Variants in RHOJ observed in about 807,000 individuals in gnomAD.
The protein encoded by RHOJ is rho-related GTP-binding protein RhoJ.
In RHOJ, 11 loss-of-function variants were observed where a neutral mutation model predicts 23.4. The ratio of observed to expected loss-of-function variants is 0.47; its 90% CI spans 0.30 to 0.78. RHOJ has a LOEUF of 0.78. RHOJ is among the 30% of genes least tolerant of loss of function. RHOJ has a pLI of 0.08. For synonymous variants in RHOJ, 102 were observed against 102.7 expected (o/e 0.99, Z 0.04); for missense variants, 254 against 273.4 (o/e 0.93, Z 0.50).
chr14:63,268,444 G>A lies in RHOJ; in HGVS notation c.179-666G>A, dbSNP rs543731101. On this transcript the variant is annotated intron_variant, in intron 1 of 4. Coordinates refer to ENST00000316754, the MANE Select transcript of RHOJ (RefSeq NM_020663.5). ...ACTCACTACTTTTCACCCTCTAAGC[G>A]CCCTTTATGTATGTGAGACTGAACC... is the stretch of plus-strand genomic sequence containing the variant. Among the ~76,000 whole-genome samples the A allele has an allele frequency of 3.3e-5, 5 of 152,146 alleles. No individual in the cohort carries two copies. In the South Asian group the frequency reaches 6.2e-4, roughly 19 times the overall value.
chr14:63,286,080 T>C (rs1435381013), intron 4 of RHOJ, among the ~76,000 whole-genome samples: 3 of 152,178 alleles, frequency 2.0e-5, no homozygotes, highest in South Asian at 2.1e-4. Flanking sequence ...AGCAGCAAAA[T>C]TGCTGCAAAC....
intron 1 of RHOJ, among the ~76,000 whole-genome samples, chr14:63,260,151 CAT>C (rs1895248110): frequency 6.6e-6 from 1 of 152,176 alleles, no homozygotes; most frequent in African/African-American, 2.4e-5. Context: ...CTTTATAGCT[CAT>C]ATATTTCTTT....
At chr14:63,219,135 A>G (rs570557708) in intron 1 of RHOJ, among the ~76,000 whole-genome samples, 8 of 152,236 alleles carry the variant, frequency 5.3e-5, no homozygotes, top group Admixed American at 1.3e-4. Flanking sequence ...TGAGGAAGAG[A>G]ATTATATTTT....
chr14:63,252,433 C>T (rs1376280545), intron 1 of RHOJ, among the ~76,000 whole-genome samples: 1 of 152,236 alleles, frequency 6.6e-6, no homozygotes, highest in African/African-American at 2.4e-5. Context: ...ATTCAGTATC[C>T]GGTATCATCC....
rs780382502 is a variant in RHOJ, at chr14:63,293,342, G to C, written c.*2318G>C. Reference sequence around the variant, plus strand: ...TGCACTCAACAGGCAAATAGCTCCCGAGGTCACCACTTCCCTAATGGGCCA... The same window carrying C: ...TGCACTCAACAGGCAAATAGCTCCCCAGGTCACCACTTCCCTAATGGGCCA... On this transcript the variant is annotated 3_prime_UTR_variant, in exon 5 of 5. Coordinates refer to ENST00000316754, the MANE Select transcript of RHOJ (RefSeq NM_020663.5). 1 of 152,180 alleles carries C rather than the reference G, an allele frequency of 6.6e-6. No homozygotes were observed. Among genetic ancestry groups the C allele is most frequent in the Non-Finnish European group, 1.5e-5 (1 of 68,050 alleles). The allele number at this position is 152,180 out of a possible 1,614,324, so 9.4% of individuals were successfully genotyped here. A position where few individuals can be genotyped will look rare whatever the true frequency, so the allele number is the denominator to read the frequency against.
At chr14:63,272,795 G>A (rs1895494855) in intron 2 of RHOJ, among the ~76,000 whole-genome samples, 1 of 152,182 alleles carries the variant, frequency 6.6e-6, no homozygotes, top group African/African-American at 2.4e-5. Flanking sequence ...GGAGGCCAAG[G>A]CAGACAGATC....
At chr14:63,275,880 G>T (rs1881703525) in intron 2 of RHOJ, among the ~76,000 whole-genome samples, 1 of 151,586 alleles carries the variant, frequency 6.6e-6, no homozygotes, top group South Asian at 2.1e-4. Flanking sequence ...TAAGTTACCA[G>T]CTGGCACAAA....
At chr14:63,283,059 G>A in intron 3 of RHOJ, 62 bp from the exon 4 acceptor site, 1 of 1,359,852 alleles carries the variant, frequency 7.4e-7, no homozygotes, top group Non-Finnish European at 1.0e-6. Context: ...TGATGTCACA[G>A]TTTAAAATAT....
chr14:63,222,002 T>A (rs528840038), intron 1 of RHOJ, among the ~76,000 whole-genome samples: 1 of 117,726 alleles, frequency 8.5e-6, no homozygotes, highest in African/African-American at 3.3e-5. Flanking sequence ...GGCCCCGGTG[T>A]GTGATGTTCG....
intron 2 of RHOJ, among the ~76,000 whole-genome samples, chr14:63,278,189 G>T (rs1170723899): frequency 6.6e-6 from 1 of 152,000 alleles, no homozygotes. Flanking sequence ...CAGCATCATT[G>T]CCCTCTTGCT....
intron 1 of RHOJ, among the ~76,000 whole-genome samples, chr14:63,238,103 G>GA (rs1175086205): frequency 6.6e-6 from 1 of 151,954 alleles, no homozygotes; most frequent in East Asian, 1.9e-4. Flanking sequence ...TTCACATACG[G>GA]AAAAAAATCT....
At chr14:63,267,067 T>C (rs905781791) in intron 1 of RHOJ, among the ~76,000 whole-genome samples, 8 of 152,116 alleles carry the variant, frequency 5.3e-5, no homozygotes, top group African/African-American at 1.9e-4. Context: ...GCAGGAAGAA[T>C]TGAATCTGGT....
At chr14:63,287,950 G>A (rs1025586626) in intron 4 of RHOJ, among the ~76,000 whole-genome samples, 5 of 152,134 alleles carry the variant, frequency 3.3e-5, no homozygotes, top group African/African-American at 1.2e-4. Flanking sequence ...TGAGGACACA[G>A]ATCATTTTTT....
At chr14:63,237,830 T>C (rs1894816300) in intron 1 of RHOJ, among the ~76,000 whole-genome samples, 1 of 151,440 alleles carries the variant, frequency 6.6e-6, no homozygotes, top group Admixed American at 6.6e-5. Flanking sequence ...TCACACCTGG[T>C]CTTGTTATCA....
intron 1 of RHOJ, among the ~76,000 whole-genome samples, chr14:63,221,386 C>A (rs1352914103): frequency 6.6e-6 from 1 of 152,174 alleles, no homozygotes; most frequent in East Asian, 1.9e-4. Flanking sequence ...TTCCTTCTAA[C>A]AAGGCAAGCC....
intron 2 of RHOJ, 80 bp downstream of exon 2, chr14:63,269,248 T>C (rs1020337496): frequency 1.8e-5 from 18 of 995,552 alleles, no homozygotes; most frequent in Middle Eastern, 2.1e-4. Flanking sequence ...CAGATGGGAC[T>C]CATAGCACAG....
At chr14:63,290,068 C>T (rs531191570) in intron 4 of RHOJ, among the ~76,000 whole-genome samples, 49 of 152,002 alleles carry the variant, frequency 3.2e-4, no homozygotes, top group African/African-American at 1.2e-3. Context: ...CATGGGAAAA[C>T]CCCGTCTCTA....
At chr14:63,232,847 C>T (rs1034326028) in intron 1 of RHOJ, among the ~76,000 whole-genome samples, 2 of 151,898 alleles carry the variant, frequency 1.3e-5, no homozygotes, top group Non-Finnish European at 2.9e-5. Flanking sequence ...TAGGCATGCA[C>T]CACCATGCTG....
intron 1 of RHOJ, among the ~76,000 whole-genome samples, chr14:63,249,997 T>C (rs1381835098): frequency 6.6e-6 from 1 of 152,138 alleles, no homozygotes; most frequent in Non-Finnish European, 1.5e-5. Flanking sequence ...CAGGATTAAA[T>C]CAAATTTGGA....
Sources: allele counts gnomAD v4.1 joint callset (sites outside exome capture counted in the v4.1 genomes callset), GRCh38; gene constraint gnomAD v4.1.1; transcripts MANE v1.5; gene names NCBI Gene and HGNC (gene_info 2026-07-23, HGNC 2026-07-21).